The following LDLRAD4 variants were observed in gnomAD, a reference collection of about 807,000 sequenced individuals.
The protein encoded by LDLRAD4 is low density lipoprotein receptor class A domain containing 4.
In LDLRAD4, 5 loss-of-function variants were observed where a neutral mutation model predicts 17.0. That is an observed-to-expected ratio of 0.29 (90% CI 0.15 to 0.62). The LOEUF (loss-of-function observed/expected upper bound fraction) is 0.62. Ranked by LOEUF, LDLRAD4 falls within the 20% of genes least tolerant of loss-of-function variation. The probability of loss-of-function intolerance (pLI) is 0.84; values close to 1 mark genes in which losing one functional copy is unlikely to be tolerated. For synonymous variants in LDLRAD4, 168 were observed against 171.8 expected, an observed-to-expected ratio of 0.98 and a Z score of 0.17; for missense variants, 340 against 424.7, an observed-to-expected ratio of 0.80 and a Z score of 1.75.
chr18:13,443,382 C>A (rs2091160423), intron 3 of LDLRAD4, among the ~76,000 whole-genome samples: 1 of 152,168 alleles, frequency 6.6e-6, no homozygotes, highest in Non-Finnish European at 1.5e-5. Flanking sequence ...AGGCTCATAA[C>A]CACATAGCCA....
rs117542260 is a variant in LDLRAD4 at position 13,264,885 on chromosome 18, C to T, written c.-466-13220C>T. On this transcript the variant is annotated intron_variant, in intron 1 of 5. Transcript: ENST00000399848. Reference sequence around the variant, plus strand: ...ACAGTCTTCCCGAACCTGGAGGATTCGCAACTGGCCTATAAACAGACTCCA... The same window carrying T: ...ACAGTCTTCCCGAACCTGGAGGATTTGCAACTGGCCTATAAACAGACTCCA... Among the ~76,000 whole-genome samples the T allele has an allele frequency of 3.6e-4, 55 of 152,300 alleles. 2 individuals carry two copies. The East Asian group carries it at 9.6e-3, about 27-fold the overall frequency.
intron 3 of LDLRAD4, among the ~76,000 whole-genome samples, chr18:13,441,779 C>T (rs1244023913): frequency 6.6e-6 from 1 of 152,236 alleles, no homozygotes. Context: ...TAGCTTTTAT[C>T]TTCAAACAAA....
intron 1 of LDLRAD4, among the ~76,000 whole-genome samples, chr18:13,252,785 G>A (rs1287245099): frequency 1.3e-5 from 2 of 152,174 alleles, no homozygotes; most frequent in Admixed American, 6.5e-5. Context: ...ACTTGCCGTC[G>A]GCCCTCCACA....
chr18:13,493,535 T>C (rs1166531776), intron 3 of LDLRAD4, among the ~76,000 whole-genome samples: 1 of 152,228 alleles, frequency 6.6e-6, no homozygotes, highest in African/African-American at 2.4e-5. Context: ...GCTTTGGTGT[T>C]GCTAAGGTTC....
intron 1 of LDLRAD4, among the ~76,000 whole-genome samples, chr18:13,296,940 C>A (rs926782753): frequency 3.9e-5 from 6 of 152,106 alleles, no homozygotes; most frequent in African/African-American, 1.2e-4. Flanking sequence ...ACCATGGACT[C>A]GTTATGTGCC....
At chr18:13,640,271 C>G (rs1400655544) in intron 4 of LDLRAD4, among the ~76,000 whole-genome samples, 3 of 105,824 alleles carry the variant, frequency 2.8e-5, no homozygotes, top group African/African-American at 1.2e-4. Flanking sequence ...CCAGCCTGGG[C>G]AACAGAGCGA....
chr18:13,250,722 G>C (rs946560353), intron 1 of LDLRAD4, among the ~76,000 whole-genome samples: 4 of 152,184 alleles, frequency 2.6e-5, no homozygotes, highest in Admixed American at 6.5e-5. Context: ...AAGAAATGAA[G>C]TTGAATCAGT....
intron 1 of LDLRAD4, among the ~76,000 whole-genome samples, chr18:13,291,815 A>G (rs992412693): frequency 6.6e-5 from 10 of 152,056 alleles, no homozygotes; most frequent in African/African-American, 2.4e-4. Flanking sequence ...TTTCTTGAAG[A>G]TTGTGCTTTT....
chr18:13,368,117 C>G (rs2084202092), intron 1 of LDLRAD4, among the ~76,000 whole-genome samples: 1 of 152,046 alleles, frequency 6.6e-6, no homozygotes, highest in African/African-American at 2.4e-5. Flanking sequence ...GCGAGTGAGC[C>G]TTTCTAGGAG....
intron 2 of LDLRAD4, among the ~76,000 whole-genome samples, chr18:13,412,856 A>G (rs2088507025): frequency 6.6e-6 from 1 of 152,236 alleles, no homozygotes; most frequent in Admixed American, 6.5e-5. Flanking sequence ...CTTATGGACG[A>G]TCACTTTGCT....
intron 1 of LDLRAD4, among the ~76,000 whole-genome samples, chr18:13,344,514 C>T (rs923104108): frequency 6.6e-6 from 1 of 152,128 alleles, no homozygotes; most frequent in African/African-American, 2.4e-5. Context: ...AGTCAGGTAG[C>T]ATGATGCCTC....
At position 13,621,245 on chromosome 18, in the gene LDLRAD4, C is replaced by T. The variant is rs373823619; in HGVS notation, c.310C>T (p.Arg104Trp). The change falls in exon 4 of 6, where the codon CGG becomes TGG. Residue 104 changes from arginine (R) to tryptophan (W), a missense_variant. Coordinates refer to ENST00000359446, the Ensembl canonical transcript of LDLRAD4. The surrounding 1 kb of genome is among the most constrained non-coding windows in gnomAD (Gnocchi z 5.5). ...CTTCATCAACCGCCCGAACCAGAGC[C>T]GGAGGCGGGAGGACGGGCTGCCGCA... is the stretch of plus-strand genomic sequence containing the variant. The T allele has an allele frequency of 9.9e-6, 16 of 1,613,386 alleles. No homozygotes were observed. The highest frequency in any genetic ancestry group is 4.4e-5 in the South Asian group (4 of 91,090).
At chr18:13,288,066 T>C (rs2045734144) in intron 1 of LDLRAD4, among the ~76,000 whole-genome samples, 1 of 152,274 alleles carries the variant, frequency 6.6e-6, no homozygotes, top group Non-Finnish European at 1.5e-5. Flanking sequence ...GAAGGTGGAA[T>C]GGGAACAATT....
chr18:13,243,921 A>C (rs1408905204), intron 1 of LDLRAD4, among the ~76,000 whole-genome samples: 2 of 118,376 alleles, frequency 1.7e-5, no homozygotes, highest in Admixed American at 1.9e-4. Flanking sequence ...GCACCTATGC[A>C]CCCATTTCTC....
chr18:13,560,244 A>G (rs1383527664), intron 3 of LDLRAD4, among the ~76,000 whole-genome samples: 2 of 152,178 alleles, frequency 1.3e-5, no homozygotes, highest in Non-Finnish European at 2.9e-5. Context: ...CCCATCCTCA[A>G]AACACCCCAG....
At chr18:13,244,324 A>G (rs1354701205) in intron 1 of LDLRAD4, among the ~76,000 whole-genome samples, 1 of 148,644 alleles carries the variant, frequency 6.7e-6, no homozygotes, top group African/African-American at 2.5e-5. Flanking sequence ...TCATCCACCC[A>G]TCCAACCCAC....
chr18:13,584,325 C>T (rs1210107345), intron 3 of LDLRAD4, among the ~76,000 whole-genome samples: 1 of 152,204 alleles, frequency 6.6e-6, no homozygotes, highest in Non-Finnish European at 1.5e-5. Flanking sequence ...AGATGAGTGG[C>T]CACCTCCTAC....
intron 1 of LDLRAD4, among the ~76,000 whole-genome samples, chr18:13,257,843 C>A (rs535982508): frequency 6.6e-6 from 1 of 152,118 alleles, no homozygotes; most frequent in Admixed American, 6.5e-5. Context: ...TCTGTCGTGC[C>A]CAGGTTGAGA....
intron 1 of LDLRAD4, among the ~76,000 whole-genome samples, chr18:13,259,782 T>G (rs1250538242): frequency 6.8e-6 from 1 of 147,842 alleles, no homozygotes; most frequent in Admixed American, 6.7e-5. Flanking sequence ...CCACGGCTGC[T>G]TTGAGAAAGG....
Sources: gnomAD v4.1 joint callset for allele counts (sites outside exome capture counted in the v4.1 genomes callset) on GRCh38, gnomAD v4.1.1 for gene constraint, Gnocchi (gnomAD v3.1) non-coding constraint, MANE v1.5 for transcripts, NCBI Gene and HGNC (gene_info 2026-07-23, HGNC 2026-07-21) for gene names.